Variants in TMEM178B observed in about 807,000 individuals in gnomAD.
TMEM178B encodes transmembrane protein 178B.
TMEM178B carries 5 observed loss-of-function variants against 31.0 expected under a neutral mutation model. That is an observed-to-expected ratio of 0.16 (90% CI 0.08 to 0.34). The LOEUF is 0.34. TMEM178B is among the 10% of genes least tolerant of loss of function. The pLI is 1.00. For synonymous variants in TMEM178B, 164 were observed against 164.0 expected, an observed-to-expected ratio of 1.00 and a Z score of 0.00; for missense variants, 275 against 400.3, an observed-to-expected ratio of 0.69 and a Z score of 2.67.
chr7:141,370,311 T>G (rs903897855), intron 2 of TMEM178B, among the ~76,000 whole-genome samples: 4 of 152,124 alleles, frequency 2.6e-5, no homozygotes, highest in Non-Finnish European at 4.4e-5. Flanking sequence ...GGGAGTGAGG[T>G]GCATTTTGGC....
intron 2 of TMEM178B, among the ~76,000 whole-genome samples, chr7:141,391,170 C>G (rs1319931218): frequency 6.7e-6 from 1 of 148,426 alleles, no homozygotes; most frequent in African/African-American, 2.5e-5. Context: ...TCTTTCAACC[C>G]CCTGCTTTTT....
intron 1 of TMEM178B, among the ~76,000 whole-genome samples, chr7:141,164,485 T>C (rs940653093): frequency 2.6e-5 from 4 of 152,200 alleles, no homozygotes; most frequent in African/African-American, 9.7e-5. Context: ...GTGTTTGCTT[T>C]GTTGCCGGTG....
chr7:141,099,781 TG>T (rs1170808066), intron 1 of TMEM178B, among the ~76,000 whole-genome samples: 26 of 151,798 alleles, frequency 1.7e-4, no homozygotes, highest in Non-Finnish European at 1.5e-5. Context: ...GCTGTTTACC[TG>T]GGTCACTGGC....
intron 1 of TMEM178B, among the ~76,000 whole-genome samples, chr7:141,076,257 G>A (rs889590023): frequency 3.3e-5 from 5 of 152,168 alleles, no homozygotes; most frequent in Non-Finnish European, 5.9e-5. Context: ...TTGACAATGA[G>A]TGACCTTATA....
chr7:141,339,830 C>T (rs1034138015), intron 2 of TMEM178B, among the ~76,000 whole-genome samples: 1 of 152,218 alleles, frequency 6.6e-6, no homozygotes, highest in Non-Finnish European at 1.5e-5. Flanking sequence ...GTAGAAACTG[C>T]AAAACATTTG....
intron 2 of TMEM178B, among the ~76,000 whole-genome samples, chr7:141,267,434 C>T (rs918048796): frequency 2.0e-5 from 3 of 152,178 alleles, no homozygotes; most frequent in Admixed American, 6.5e-5. Flanking sequence ...GCCTTGGTAA[C>T]GGAGAAGATA....
downstream of TMEM178B, among the ~76,000 whole-genome samples, chr7:141,483,739 C>CT (rs34741245): frequency 0.41 from 59,444 of 143,984 alleles, 13,998 homozygotes; most frequent in Non-Finnish European, 0.55. Flanking sequence ...TGCCCTTCTT[C>CT]TTTTTTTTTT....
Position 141,335,028 on chromosome 7 carries a change from C to A in TMEM178B, c.497-102580C>A, listed in dbSNP as rs1402471493. 2.6e-5 allele frequency among the ~76,000 whole-genome samples: 4 copies of A among 152,322 alleles called. No individual in the cohort carries two copies. The East Asian group carries it at 7.7e-4, about 29-fold the overall frequency. On this transcript the variant is annotated intron_variant, in intron 2 of 3. Transcript: ENST00000565468. The stretch of plus-strand genomic sequence containing the variant: ...TCCTCCCTCGAGGGGCCTGCAGTTT[C>A]TCCTGGGGCTGCCAAATCAATAGCA...
chr7:141,123,332 C>G (rs1190149472), intron 1 of TMEM178B, among the ~76,000 whole-genome samples: 1 of 152,216 alleles, frequency 6.6e-6, no homozygotes, highest in Non-Finnish European at 1.5e-5. Flanking sequence ...GTGTCACTGT[C>G]TGTCATTGTG....
Position 141,074,245 on chromosome 7 carries a change from C to T in TMEM178B, c.-66C>T, listed in dbSNP as rs541467405. ...AGCTCGGCCGCCCGCCGCTTTGTTC[C>T]GGGTGCGGCGAGGGAAGGCGAGGCT... On this transcript the variant is annotated 5_prime_UTR_variant, in exon 1 of 4. Coordinates refer to ENST00000565468, the MANE Select transcript of TMEM178B (RefSeq NM_001195278.2). This position sits in a 1 kb window ranked among gnomAD's most constrained non-coding sequence, Gnocchi z 5.1. The T allele has an allele frequency of 3.4e-5, 49 of 1,449,086 alleles. No individual in the cohort carries two copies. The highest frequency in any genetic ancestry group is 3.1e-4 in the South Asian group (22 of 70,260). 89.8% of individuals were successfully genotyped at this position (1,449,086 alleles called of 1,614,324 possible).
chr7:141,264,230 C>T (rs753015032), intron 2 of TMEM178B, among the ~76,000 whole-genome samples: 5 of 152,178 alleles, frequency 3.3e-5, no homozygotes, highest in Admixed American at 6.5e-5. Flanking sequence ...ACTGCATGAC[C>T]CAAGGTCCTA....
At chr7:141,235,605 A>G (rs1035693193) in intron 2 of TMEM178B, among the ~76,000 whole-genome samples, 177 of 152,346 alleles carry the variant, frequency 1.2e-3, no homozygotes, top group African/African-American at 4.1e-3. Flanking sequence ...TAAAGGTATT[A>G]TGGGCTTTTA....
At chr7:141,448,789 C>A (rs1029675786) in intron 3 of TMEM178B, among the ~76,000 whole-genome samples, 1 of 152,160 alleles carries the variant, frequency 6.6e-6, no homozygotes, top group Non-Finnish European at 1.5e-5. Flanking sequence ...CAGACTGGGA[C>A]CCCGACACCC....
chr7:141,324,446 T>G lies in TMEM178B; in HGVS notation c.496+111742T>G, dbSNP rs1799155404. On this transcript the variant is annotated intron_variant, in intron 2 of 3. Transcript: ENST00000565468. ...TTTTTTTTTTTTTTTTTTTTTTTTT[T>G]TTTTTTTCCTGAGCGATTGAAAAAT... Among the ~76,000 whole-genome samples, 3 of 104,104 alleles carry G rather than the reference T, an allele frequency of 2.9e-5. 1 individual carries two copies. Among genetic ancestry groups the G allele is most frequent in the Non-Finnish European group, 6.1e-5 (3 of 48,848 alleles). 68.3% of individuals were successfully genotyped at this position (104,104 alleles called of 152,430 possible).
chr7:141,318,935 C>CA lies in TMEM178B; in HGVS notation c.496+106240dup, dbSNP rs201694787. Among the ~76,000 whole-genome samples the CA allele has an allele frequency of 4.8e-4, 70 of 145,626 alleles. No homozygotes were observed. The highest frequency in any genetic ancestry group is 1.4e-3 in the African/African-American group (56 of 39,562). ...AAGCTTGAATATGAGATATTTCTGCCAAAAAAAAATGAACAATTTTTACCA... is the reference window on the plus strand; with the variant it reads ...AAGCTTGAATATGAGATATTTCTGCCAAAAAAAAAATGAACAATTTTTACCA... On this transcript the variant is annotated intron_variant, in intron 2 of 3. Coordinates refer to ENST00000565468, the MANE Select transcript of TMEM178B (RefSeq NM_001195278.2). This position sits in a 1 kb window ranked among gnomAD's most constrained non-coding sequence, Gnocchi z 4.1.
chr7:141,307,221 CCTGA>C (rs1230089349), intron 2 of TMEM178B, among the ~76,000 whole-genome samples: 1 of 152,110 alleles, frequency 6.6e-6, no homozygotes, highest in Non-Finnish European at 1.5e-5. Context: ...CCAAGTTTAG[CCTGA>C]CTATTGAAAT....
At chr7:141,146,061 CTATCCATTT>C (rs1484816820) in intron 1 of TMEM178B, among the ~76,000 whole-genome samples, 1 of 152,214 alleles carries the variant, frequency 6.6e-6, no homozygotes, top group Non-Finnish European at 1.5e-5. Context: ...TTTATATCCT[CTATCCATTT>C]AATCCTAATA....
At chr7:141,281,712 G>A (rs983702349) in intron 2 of TMEM178B, among the ~76,000 whole-genome samples, 20 of 152,296 alleles carry the variant, frequency 1.3e-4, no homozygotes, top group African/African-American at 4.3e-4. Context: ...AGTCTCCAAC[G>A]ATGGGTCAGA....
intron 1 of TMEM178B, among the ~76,000 whole-genome samples, chr7:141,118,367 A>G (rs924898986): frequency 6.6e-5 from 10 of 152,186 alleles, no homozygotes; most frequent in African/African-American, 2.4e-4. Flanking sequence ...TAGCTTCTGC[A>G]TTTGCTATGT....
Sources: allele counts gnomAD v4.1 joint callset (sites outside exome capture counted in the v4.1 genomes callset), GRCh38; gene constraint gnomAD v4.1.1; non-coding constraint Gnocchi (gnomAD v3.1); transcripts MANE v1.5; gene names NCBI Gene and HGNC (gene_info 2026-07-23, HGNC 2026-07-21).